The following NCOR2 variants were observed in gnomAD, a reference collection of about 807,000 sequenced individuals.
NCOR2 encodes nuclear receptor corepressor 2, also known as CTG repeat protein 26.
In NCOR2, 81 loss-of-function variants were observed where a neutral mutation model predicts 262.9. That is an observed-to-expected ratio of 0.31 (90% CI 0.26 to 0.37). NCOR2 has a LOEUF of 0.37. Among genes scored for constraint, NCOR2 ranks in the 10% least tolerant of loss-of-function variants. The pLI is 1.00. For synonymous variants in NCOR2, 1,659 were observed against 1,559.3 expected, an observed-to-expected ratio of 1.06 and a Z score of -1.51; for missense variants, 3,385 against 3,621.4, an observed-to-expected ratio of 0.93 and a Z score of 1.68.
chr12:124,353,942 G>A (rs917923050), intron 27 of NCOR2, 151 bp downstream of exon 29: 3 of 724,612 alleles, frequency 4.1e-6, no homozygotes, highest in Non-Finnish European at 4.6e-6. Context: ...ATTCCATGCA[G>A]ACTAGATGAA....
chr12:124,335,719 ACCCC>A, intron 38 of NCOR2, 87 bp from the exon 41 acceptor site: 1 of 1,458,932 alleles, frequency 6.9e-7, no homozygotes, highest in Non-Finnish European at 9.1e-7. Flanking sequence ...GCTGGCTGGG[ACCCC>A]GGGGGGGTCA....
rs2044753893 is a variant in NCOR2 at position 124,440,670 on chromosome 12, G to T, written c.816-2674C>A. On this transcript the variant is annotated intron_variant, in intron 7 of 46. Transcript: ENST00000405201. This position sits in a 1 kb window ranked among gnomAD's most constrained non-coding sequence, Gnocchi z 5.7. ...CAAGACACAGTTGAGGGCTCTCACAGAGGTGACACTGACAATAAGCAAGAT... is the reference window on the plus strand; with the variant it reads ...CAAGACACAGTTGAGGGCTCTCACATAGGTGACACTGACAATAAGCAAGAT... 6.6e-6 allele frequency among the ~76,000 whole-genome samples: 1 copy of T among 152,254 alleles called. No individual in the cohort carries two copies. The highest frequency in any genetic ancestry group is 2.4e-5 in the African/African-American group (1 of 41,468).
intron 1 of NCOR2, among the ~76,000 whole-genome samples, chr12:124,515,556 CACTT>C (rs1169770159): frequency 1.3e-5 from 2 of 152,120 alleles, no homozygotes; most frequent in African/African-American, 4.8e-5. Context: ...CCAATGCACT[CACTT>C]GTGTGAGTGT....
chr12:124,561,770 C>CTT, intron 1 of NCOR2: 1 of 152,488 alleles, frequency 6.6e-6, no homozygotes, highest in Non-Finnish European at 1.5e-5. Context: ...AATCACAGTG[C>CTT]TTTGGGAGGC....
rs570453132 is a variant in NCOR2, at chr12:124,377,364, C to G, written c.2167+873G>C. The stretch of plus-strand genomic sequence containing the variant: ...CCCAGGCCTTTAAGTGCCTGAGCCT[C>G]GGTTTCCCCATAGAGAAAACGGGGA... On this transcript the variant is annotated intron_variant, in intron 18 of 46. Coordinates refer to ENST00000405201, the Ensembl canonical transcript of NCOR2. 7.9e-5 allele frequency among the ~76,000 whole-genome samples: 12 copies of G among 152,252 alleles called. No homozygotes were observed. The South Asian group carries it at 2.1e-3, about 26-fold the overall frequency.
chr12:124,356,901 G>A (rs559295618), intron 22 of NCOR2, 119 bp from the exon 25 acceptor site: 42 of 1,276,826 alleles, frequency 3.3e-5, no homozygotes, highest in Admixed American at 4.1e-5. Flanking sequence ...GGCCTGTGAC[G>A]GCCTGGGCTC....
intron 6 of NCOR2, among the ~76,000 whole-genome samples, chr12:124,456,521 T>C (rs947052292): frequency 2.0e-5 from 3 of 152,162 alleles, no homozygotes; most frequent in Admixed American, 6.5e-5. Context: ...ATCATCATCA[T>C]CATCATCATC....
upstream of NCOR2, among the ~76,000 whole-genome samples, chr12:124,497,313 G>A (rs2048429488): frequency 6.6e-6 from 1 of 152,200 alleles, no homozygotes; most frequent in Non-Finnish European, 1.5e-5. This position sits in a 1 kb window ranked among gnomAD's most constrained non-coding sequence, Gnocchi z 4.2. Context: ...GAGACAGGAT[G>A]TATGGCGCAA....
At position 124,416,631 on chromosome 12, in the gene NCOR2, G is replaced by T. The variant is rs563486516; in HGVS notation, c.1482+3326C>A. On this transcript the variant is annotated intron_variant, in intron 13 of 46. Coordinates refer to ENST00000405201, the Ensembl canonical transcript of NCOR2. ...CCCCGCGGCACAGGGAGTCCCCGCG[G>T]CACAGATAGACCCGTGGCACAGGGA... Among the ~76,000 whole-genome samples the T allele has an allele frequency of 2.6e-3, 368 of 141,718 alleles. 2 individuals carry two copies. Among genetic ancestry groups the T allele is most frequent in the African/African-American group, 9.3e-3 (348 of 37,330 alleles). 93.0% of individuals were successfully genotyped at this position (141,718 alleles called of 152,430 possible). A position where few individuals can be genotyped will look rare whatever the true frequency, so the allele number is the denominator to read the frequency against.
chr12:124,381,995 G>A (rs1395330746), intron 17 of NCOR2, among the ~76,000 whole-genome samples: 1 of 152,216 alleles, frequency 6.6e-6, no homozygotes, highest in Non-Finnish European at 1.5e-5. Flanking sequence ...CAGACCTAGT[G>A]CAAGGCGGGA....
rs546859603 is a variant in NCOR2, at chr12:124,542,168, G to A, written c.-164-6557C>T. Among the ~76,000 whole-genome samples, 11 of 152,058 alleles carry A rather than the reference G, an allele frequency of 7.2e-5. No homozygotes were observed. The South Asian group carries it at 2.3e-3, about 31-fold the overall frequency. ...GGGCTCCAGCCTCAATGCTGGGCAA[G>A]GGCTTGGTGTCTGGACTCTGGAGCC... On this transcript the variant is annotated intron_variant, in intron 1 of 32. Coordinates refer to the NCOR2 transcript ENST00000458234.
At chr12:124,343,155 G>C (rs1226127696) in exon 33 of NCOR2, 3 of 1,611,168 alleles carry the variant, frequency 1.9e-6, no homozygotes, top group Non-Finnish European at 2.5e-6. Context: ...GTGCTGTGCG[G>C]GGACTTGGCG....
chr12:124,554,967 G>A (rs1033900661), intron 1 of NCOR2, among the ~76,000 whole-genome samples: 1 of 152,196 alleles, frequency 6.6e-6, no homozygotes, highest in African/African-American at 2.4e-5. Context: ...GGCACGTGGT[G>A]GACCCAGGAC....
At position 124,443,389 on chromosome 12, in the gene NCOR2, G is replaced by GTC. The variant is rs1223647211; in HGVS notation, c.816-5395_816-5394dup. ...ATCCACGTACCACGCAAGAGGACAC[G>GTC]TCAAGTCTGCAAACACATGTCAAGT... is the stretch of plus-strand genomic sequence containing the variant. On this transcript the variant is annotated intron_variant, in intron 7 of 46. Transcript: ENST00000405201. This position sits in a 1 kb window ranked among gnomAD's most constrained non-coding sequence, Gnocchi z 4.4. Among the ~76,000 whole-genome samples, 5 of 152,238 alleles carry GTC rather than the reference G, an allele frequency of 3.3e-5. No individual in the cohort carries two copies. Among genetic ancestry groups the GTC allele is most frequent in the Non-Finnish European group, 7.3e-5 (5 of 68,048 alleles).
intron 16 of NCOR2, among the ~76,000 whole-genome samples, chr12:124,392,477 G>A (rs2136154746): frequency 6.6e-6 from 1 of 152,218 alleles, no homozygotes; most frequent in East Asian, 1.9e-4. Context: ...GTCCCTGCCT[G>A]GTATACCACC....
At chr12:124,446,027 G>C (rs947217223) in intron 7 of NCOR2, among the ~76,000 whole-genome samples, 4 of 152,230 alleles carry the variant, frequency 2.6e-5, no homozygotes, top group African/African-American at 9.6e-5. Context: ...GCCACATGGT[G>C]GGACGGGGCC....
At chr12:124,372,555 G>T (rs771509251) in exon 20 of NCOR2, 2 of 1,598,146 alleles carry the variant, frequency 1.3e-6, no homozygotes, top group South Asian at 2.2e-5. Flanking sequence ...TGTCCTTGGC[G>T]GCCTCAGTGT....
chr12:124,479,229 C>G (rs971704588), intron 3 of NCOR2, among the ~76,000 whole-genome samples: 1 of 152,210 alleles, frequency 6.6e-6, no homozygotes, highest in African/African-American at 2.4e-5. Flanking sequence ...CACATGCACA[C>G]ACACGTGCAC....
intron 41 of NCOR2, among the ~76,000 whole-genome samples, chr12:124,333,771 CG>C (rs933847770): frequency 1.4e-4 from 22 of 151,766 alleles, no homozygotes; most frequent in African/African-American, 5.3e-4. Context: ...GGGGTGGGGG[CG>C]GGGGTGGGAG....
Sources: allele counts gnomAD v4.1 joint callset (sites outside exome capture counted in the v4.1 genomes callset), GRCh38; gene constraint gnomAD v4.1.1; non-coding constraint Gnocchi (gnomAD v3.1); transcripts MANE v1.5; gene names NCBI Gene and HGNC (gene_info 2026-07-23, HGNC 2026-07-21).